PSD2: variants seen among roughly 807,000 people sequenced by gnomAD.
PSD2 encodes pleckstrin and Sec7 domain containing 2.
A neutral mutation model predicts 69.8 loss-of-function variants in PSD2; 38 were observed. That is an observed-to-expected ratio of 0.54 (90% CI 0.42 to 0.71). The LOEUF (loss-of-function observed/expected upper bound fraction) is 0.71, where lower values mean the gene tolerates loss of function less well. Among genes scored for constraint, PSD2 ranks in the 30% least tolerant of loss-of-function variants. The pLI is 0.00. For synonymous variants in PSD2, 412 were observed against 423.0 expected, an observed-to-expected ratio of 0.97 and a Z score of 0.32; for missense variants, 943 against 1,014.5, an observed-to-expected ratio of 0.93 and a Z score of 0.96.
chr5:139,783,699 A>G, the PSD2 span, among the ~76,000 whole-genome samples: 1 of 151,726 alleles, frequency 6.6e-6, no homozygotes, highest in Non-Finnish European at 1.5e-5. Flanking sequence ...AGTCTTTTCC[A>G]CGAAAACGGC....
the PSD2 span, among the ~76,000 whole-genome samples, chr5:139,750,061 C>T: frequency 6.7e-6 from 1 of 150,196 alleles, no homozygotes; most frequent in Non-Finnish European, 1.5e-5. Flanking sequence ...TGTGGTGGCT[C>T]ATGCCTGTAA....
At chr5:139,766,907 C>CCCTCCCTT in the PSD2 span, among the ~76,000 whole-genome samples, 4 of 48,506 alleles carry the variant, frequency 8.2e-5, no homozygotes, top group African/African-American at 2.4e-4. Context: ...CTCTTTCCCT[C>CCCTCCCTT]CCTTCCTTCC....
the PSD2 span, among the ~76,000 whole-genome samples, chr5:139,785,268 G>T: frequency 6.7e-6 from 1 of 150,108 alleles, no homozygotes; most frequent in Non-Finnish European, 1.5e-5. Context: ...CTGTTGCCCA[G>T]GCTGGAGTGC....
chr5:139,769,142 C>T, the PSD2 span, among the ~76,000 whole-genome samples: 1 of 151,950 alleles, frequency 6.6e-6, no homozygotes, highest in African/African-American at 2.4e-5. Context: ...ATATTCATGC[C>T]AGGACCCAGA....
chr5:139,784,550 C>A, the PSD2 span, among the ~76,000 whole-genome samples: 1 of 152,150 alleles, frequency 6.6e-6, no homozygotes, highest in East Asian at 1.9e-4. Context: ...CACTTAGAGT[C>A]AAAGCCAAAG....
chr5:139,806,199 G>A (rs746559967), intron 1 of PSD2, among the ~76,000 whole-genome samples: 1 of 152,270 alleles, frequency 6.6e-6, no homozygotes, highest in African/African-American at 2.4e-5. Flanking sequence ...GCCAATGCCA[G>A]CCTGTCATTT....
chr5:139,835,983 A>C (rs1439709619), intron 9 of PSD2, among the ~76,000 whole-genome samples: 1 of 152,264 alleles, frequency 6.6e-6, no homozygotes, highest in Non-Finnish European at 1.5e-5. Context: ...GCATTGTTAC[A>C]GAATAGATTG....
intron 1 of PSD2, among the ~76,000 whole-genome samples, chr5:139,806,392 G>T (rs748681367): frequency 6.6e-6 from 1 of 152,222 alleles, no homozygotes; most frequent in Non-Finnish European, 1.5e-5. Context: ...CTCATTCTGC[G>T]TCTCCAGCCC....
chr5:139,827,279 A>G (rs1345361934), intron 7 of PSD2, among the ~76,000 whole-genome samples: 1 of 152,262 alleles, frequency 6.6e-6, no homozygotes, highest in Non-Finnish European at 1.5e-5. Flanking sequence ...ATGGAGGATG[A>G]GAGCAAACAC....
chr5:139,772,679 G>C, the PSD2 span: 1 of 152,314 alleles, frequency 6.6e-6, no homozygotes, highest in African/African-American at 2.4e-5. Flanking sequence ...CATTCCTTGG[G>C]TCTTTGCACA....
intron 7 of PSD2, among the ~76,000 whole-genome samples, chr5:139,827,210 C>T (rs1760447307): frequency 6.6e-6 from 1 of 152,182 alleles, no homozygotes; most frequent in East Asian, 1.9e-4. Flanking sequence ...GAGAGAGAGC[C>T]ACAGTGTCTA....
chr5:139,744,290 C>G, the PSD2 span, among the ~76,000 whole-genome samples: 1 of 152,204 alleles, frequency 6.6e-6, no homozygotes, highest in African/African-American at 2.4e-5. Flanking sequence ...GGCTCGGCCT[C>G]CAACTCCCAG....
chr5:139,836,754 G>A, intron 9 of PSD2, 57 bp from the exon 10 acceptor site: 1 of 1,519,618 alleles, frequency 6.6e-7, no homozygotes, highest in South Asian at 1.2e-5. Flanking sequence ...GAAAGGCCAT[G>A]ACGATGCGGG....
intron 9 of PSD2, 132 bp downstream of exon 9, chr5:139,835,898 T>A (rs1180445908): frequency 2.4e-6 from 2 of 836,444 alleles, no homozygotes; most frequent in East Asian, 4.9e-5. Flanking sequence ...GATACCTGTG[T>A]CTAGCTGGCG....
intron 1 of PSD2, among the ~76,000 whole-genome samples, chr5:139,799,528 C>T (rs1354944326): frequency 6.6e-6 from 1 of 152,118 alleles, no homozygotes; most frequent in Non-Finnish European, 1.5e-5. Context: ...GCCTTTTCCC[C>T]AAGGGCACTT....
At position 139,813,486 on chromosome 5, in the gene PSD2, C is replaced by T. The variant is rs759569878; in HGVS notation, c.549C>T (p.Leu183=). 1 of 1,613,650 alleles carries T rather than the reference C, an allele frequency of 6.2e-7. No homozygotes were observed. The part of the protein sequence containing the change: ...CVSFEAPLTP[L]IQQRARDSPE... The stretch of plus-strand genomic sequence containing the variant: ...GCTTCGAGGCCCCCCTCACACCCCT[C>T]ATCCAGCAGCGGGCCCGTGACAGCC... Residue 183 remains leucine (L), a synonymous_variant, in exon 3 of 15, where the codon CTC becomes CTT. Transcript: ENST00000274710.
At chr5:139,822,552 G>A (rs938646618) in intron 6 of PSD2, among the ~76,000 whole-genome samples, 174 bp from the exon 7 acceptor site, 3 of 152,190 alleles carry the variant, frequency 2.0e-5, no homozygotes, top group Non-Finnish European at 4.4e-5. Flanking sequence ...AAGTGACTTG[G>A]GTCCTGCAGT....
the PSD2 span, among the ~76,000 whole-genome samples, chr5:139,748,129 G>C: frequency 2.0e-5 from 3 of 152,076 alleles, no homozygotes; most frequent in African/African-American, 7.2e-5. Context: ...GACCCCCGGG[G>C]CCCCAGCACT....
the PSD2 span, among the ~76,000 whole-genome samples, chr5:139,745,612 G>C: frequency 1.3e-5 from 2 of 152,228 alleles, no homozygotes; most frequent in Non-Finnish European, 2.9e-5. Flanking sequence ...CTTCGCCCCC[G>C]TCCCCAAGAG....
Sources: allele counts gnomAD v4.1 joint callset (sites outside exome capture counted in the v4.1 genomes callset), GRCh38; gene constraint gnomAD v4.1.1; transcripts MANE v1.5; gene names NCBI Gene and HGNC (gene_info 2026-07-23, HGNC 2026-07-21).